FGF14: variants seen among roughly 807,000 people sequenced by gnomAD.
FGF14 encodes the protein fibroblast growth factor homologous factor 4.
FGF14 carries 5 observed loss-of-function variants against 25.5 expected under a neutral mutation model. The ratio of observed to expected loss-of-function variants is 0.20; its 90% CI spans 0.10 to 0.41. The LOEUF (loss-of-function observed/expected upper bound fraction) is 0.41, where lower values mean the gene tolerates loss of function less well. FGF14 is among the 10% of genes least tolerant of loss of function. The pLI is 1.00. For missense variants in FGF14, 222 were observed against 320.1 expected (o/e 0.69, Z 2.34); for synonymous variants, 138 against 118.3 (o/e 1.17, Z -1.08).
intron 1 of FGF14, among the ~76,000 whole-genome samples, chr13:101,901,785 A>G (rs2031587686): frequency 6.6e-6 from 1 of 152,162 alleles, no homozygotes; most frequent in Admixed American, 6.6e-5. Flanking sequence ...GAAGAAATAG[A>G]AAAGTACTAC....
intron 1 of FGF14, among the ~76,000 whole-genome samples, chr13:101,976,234 C>T (rs549137762): frequency 4.4e-4 from 67 of 152,018 alleles, no homozygotes; most frequent in Non-Finnish European, 8.2e-4. Context: ...CAATTCATAG[C>T]GCTATTAATG....
At chr13:102,295,610 A>C (rs1046913099) in intron 1 of FGF14, among the ~76,000 whole-genome samples, 1 of 152,190 alleles carries the variant, frequency 6.6e-6, no homozygotes, top group African/African-American at 2.4e-5. Context: ...ATCAAAGGCT[A>C]GGATCTTGCC....
chr13:101,982,718 G>A (rs188317621), intron 1 of FGF14, among the ~76,000 whole-genome samples: 64 of 152,270 alleles, frequency 4.2e-4, no homozygotes, highest in African/African-American at 1.2e-3. Flanking sequence ...AGTACCCTAC[G>A]AAGATAGTTG....
chr13:102,077,595 C>T lies in FGF14; in HGVS notation c.209-202299G>A, dbSNP rs74855448. Among the ~76,000 whole-genome samples, 1,270 of 152,196 alleles carry T rather than the reference C, an allele frequency of 8.3e-3. 17 individuals carry two copies. Among genetic ancestry groups the T allele is most frequent in the African/African-American group, 0.029 (1,184 of 41,518 alleles). On this transcript the variant is annotated intron_variant, in intron 1 of 4. Coordinates refer to the FGF14 transcript ENST00000376131. ...AACTAAAATCACAATGAGATATCACCACACACCTGTTATTTTGGTGATCAA... is the reference window on the plus strand; with the variant it reads ...AACTAAAATCACAATGAGATATCACTACACACCTGTTATTTTGGTGATCAA...
chr13:102,077,199 G>A (rs1354047912), intron 1 of FGF14, among the ~76,000 whole-genome samples: 1 of 151,954 alleles, frequency 6.6e-6, no homozygotes, highest in Non-Finnish European at 1.5e-5. Context: ...ACCACTAGAA[G>A]AAAACATAGA....
intron 3 of FGF14, among the ~76,000 whole-genome samples, chr13:101,793,492 C>T (rs141436121): frequency 3.3e-5 from 5 of 152,074 alleles, no homozygotes; most frequent in Non-Finnish European, 5.9e-5. Context: ...ATGGACACTT[C>T]GACTGATTCC....
intron 1 of FGF14, among the ~76,000 whole-genome samples, chr13:101,954,810 G>A (rs941596925): frequency 2.3e-4 from 35 of 152,332 alleles, no homozygotes; most frequent in African/African-American, 7.9e-4. Context: ...TAGCAGCTAT[G>A]AGAATTCAGA....
intron 1 of FGF14, among the ~76,000 whole-genome samples, chr13:102,095,962 A>T (rs993183397): frequency 6.8e-6 from 1 of 146,162 alleles, no homozygotes; most frequent in Non-Finnish European, 1.5e-5. Context: ...TCAACTGTAC[A>T]TATTTAAATA....
intron 1 of FGF14, among the ~76,000 whole-genome samples, chr13:102,342,799 C>T (rs144667651): frequency 1.3e-5 from 2 of 152,170 alleles, no homozygotes; most frequent in East Asian, 1.9e-4. Flanking sequence ...CAAAATGGGT[C>T]AATAGGCACA....
rs184843487 is a variant in FGF14, at chr13:101,855,684, C to G, written c.408+13041G>C. On this transcript the variant is annotated intron_variant, in intron 3 of 4. Transcript: ENST00000376143. The stretch of plus-strand genomic sequence containing the variant: ...CCTGATAGTTCATGGTTTGAAAAGT[C>G]TGAGGGATTTTTAATTGGCTTGAAG... Among the ~76,000 whole-genome samples, 646 of 151,944 alleles carry G rather than the reference C, an allele frequency of 4.3e-3. 3 individuals carry two copies. The highest frequency in any genetic ancestry group is 7.6e-3 in the Non-Finnish European group (514 of 67,864).
At chr13:102,065,714 T>C (rs920663202) in intron 1 of FGF14, among the ~76,000 whole-genome samples, 1 of 152,022 alleles carries the variant, frequency 6.6e-6, no homozygotes, top group East Asian at 1.9e-4. Flanking sequence ...GGACAGTTAA[T>C]ATATAACTGT....
chr13:102,147,898 T>A (rs922379617), intron 1 of FGF14, among the ~76,000 whole-genome samples: 1 of 152,232 alleles, frequency 6.6e-6, no homozygotes, highest in Non-Finnish European at 1.5e-5. Flanking sequence ...TTATTCTGTA[T>A]GCCAGGCCAT....
intron 1 of FGF14, among the ~76,000 whole-genome samples, chr13:102,067,960 C>A (rs1050224727): frequency 5.9e-5 from 9 of 152,266 alleles, no homozygotes; most frequent in African/African-American, 2.2e-4. Context: ...ATACGTCTGG[C>A]AGCAGACTTC....
At chr13:102,155,245 T>C (rs986702244) in intron 1 of FGF14, among the ~76,000 whole-genome samples, 2 of 152,178 alleles carry the variant, frequency 1.3e-5, no homozygotes, top group African/African-American at 4.8e-5. Flanking sequence ...TATTCCAAAA[T>C]TGACCACATA....
At chr13:102,074,555 T>C (rs2140165810) in intron 1 of FGF14, among the ~76,000 whole-genome samples, 1 of 152,282 alleles carries the variant, frequency 6.6e-6, no homozygotes, top group South Asian at 2.1e-4. Flanking sequence ...CACAAAATAT[T>C]GAAGTAAAGG....
intron 1 of FGF14, among the ~76,000 whole-genome samples, chr13:102,339,136 G>A (rs371057753): frequency 3.3e-5 from 5 of 151,916 alleles, no homozygotes; most frequent in African/African-American, 9.7e-5. Flanking sequence ...TGAACACCCC[G>A]TTTTCCATGA....
At chr13:102,146,253 A>C (rs1471207487) in intron 1 of FGF14, among the ~76,000 whole-genome samples, 1 of 152,208 alleles carries the variant, frequency 6.6e-6, no homozygotes, top group East Asian at 1.9e-4. Context: ...GGCTCTTGGT[A>C]GGACCTTGAA....
chr13:102,162,919 T>C (rs1194663673), intron 1 of FGF14, among the ~76,000 whole-genome samples: 1 of 152,160 alleles, frequency 6.6e-6, no homozygotes, highest in Non-Finnish European at 1.5e-5. Context: ...CCCTCATTTG[T>C]ATGTAGGTTA....
chr13:102,188,114 A>C (rs2048945754), intron 1 of FGF14, among the ~76,000 whole-genome samples: 1 of 152,202 alleles, frequency 6.6e-6, no homozygotes, highest in Non-Finnish European at 1.5e-5. Flanking sequence ...CCAGATACCT[A>C]GGCTCCAACT....
Sources: gnomAD v4.1 joint callset for allele counts (sites outside exome capture counted in the v4.1 genomes callset) on GRCh38, gnomAD v4.1.1 for gene constraint, MANE v1.5 for transcripts, NCBI Gene and HGNC (gene_info 2026-07-23, HGNC 2026-07-21) for gene names.